RYR3: variants seen among roughly 807,000 people sequenced by gnomAD.
The protein encoded by RYR3 is ryanodine receptor 3.
In RYR3, 207 loss-of-function variants were observed where a neutral mutation model predicts 584.3. The ratio of observed to expected loss-of-function variants is 0.35; its 90% CI spans 0.32 to 0.40. The LOEUF is 0.40. Among genes scored for constraint, RYR3 ranks in the 10% least tolerant of loss-of-function variants. The pLI, the probability that RYR3 is intolerant of heterozygous loss-of-function variation, is 1.00. For synonymous variants in RYR3, 2,416 were observed against 2,248.5 expected (o/e 1.07, Z -2.11); for missense variants, 5,616 against 6,089.2 (o/e 0.92, Z 2.59).
intron 1 of RYR3, among the ~76,000 whole-genome samples, chr15:33,447,204 G>C (rs543601488): frequency 4.2e-4 from 64 of 152,306 alleles, no homozygotes; most frequent in African/African-American, 1.4e-3. Flanking sequence ...GTCAATAAAG[G>C]TAACCTTTTG....
chr15:33,527,892 A>G (rs1426674455), intron 3 of RYR3, among the ~76,000 whole-genome samples: 2 of 152,170 alleles, frequency 1.3e-5, no homozygotes, highest in African/African-American at 4.8e-5. Flanking sequence ...TGGCAATAGA[A>G]TGGACTAGAC....
intron 75 of RYR3, among the ~76,000 whole-genome samples, chr15:33,817,405 G>C (rs1265153756): frequency 3.9e-5 from 6 of 152,258 alleles, no homozygotes; most frequent in Non-Finnish European, 7.3e-5. Context: ...GTCTCTAACA[G>C]ACTTCATGCT....
At chr15:33,698,300 C>T (rs1468032354) in intron 40 of RYR3, among the ~76,000 whole-genome samples, 2 of 152,236 alleles carry the variant, frequency 1.3e-5, no homozygotes, top group Non-Finnish European at 2.9e-5. Context: ...CTCACTTCCA[C>T]TTAGGAGCCT....
intron 94 of RYR3, 21 bp downstream of exon 94, chr15:33,848,442 A>G: frequency 6.3e-7 from 1 of 1,598,264 alleles, no homozygotes; most frequent in Non-Finnish European, 8.5e-7. Flanking sequence ...CTCTACCCCA[A>G]CCTAAAAAGG....
chr15:33,445,346 GT>G (rs944084757), intron 1 of RYR3, among the ~76,000 whole-genome samples: 5 of 152,134 alleles, frequency 3.3e-5, no homozygotes, highest in Admixed American at 6.5e-5. Context: ...TAAGTTTGAG[GT>G]TTGAACAACT....
intron 5 of RYR3, among the ~76,000 whole-genome samples, chr15:33,534,520 T>TA (rs1359922889): frequency 6.6e-6 from 1 of 150,748 alleles, no homozygotes; most frequent in Non-Finnish European, 1.5e-5. Context: ...TTATTATTAT[T>TA]TTTTTTTTAG....
At chr15:33,730,893 T>C (rs866281159) in intron 47 of RYR3, among the ~76,000 whole-genome samples, 4 of 152,244 alleles carry the variant, frequency 2.6e-5, no homozygotes, top group South Asian at 2.1e-4. Flanking sequence ...TGGGGTCTAC[T>C]CTAATGTCAG....
chr15:33,758,984 G>C (rs950390002), intron 60 of RYR3, among the ~76,000 whole-genome samples: 4 of 152,196 alleles, frequency 2.6e-5, no homozygotes, highest in African/African-American at 7.2e-5. Context: ...AGCCTCCGCT[G>C]GTGATACCCA....
chr15:33,769,673 G>A (rs1240807008), intron 62 of RYR3, among the ~76,000 whole-genome samples: 1 of 152,228 alleles, frequency 6.6e-6, no homozygotes, highest in African/African-American at 2.4e-5. Flanking sequence ...AGAGACGCAG[G>A]CCAGGCGCGG....
chr15:33,625,864 G>A (rs553392953), intron 20 of RYR3, among the ~76,000 whole-genome samples: 2 of 152,182 alleles, frequency 1.3e-5, no homozygotes, highest in Admixed American at 6.5e-5. Context: ...AATTCTTTTG[G>A]GGGGCTCTTT....
chr15:33,790,349 G>A (rs1342127855), intron 67 of RYR3, among the ~76,000 whole-genome samples: 1 of 152,030 alleles, frequency 6.6e-6, no homozygotes, highest in Non-Finnish European at 1.5e-5. Flanking sequence ...TGGTGGCTGA[G>A]GCCAAGATGG....
At chr15:33,436,882 TA>T (rs1467387742) in intron 1 of RYR3, among the ~76,000 whole-genome samples, 1 of 152,186 alleles carries the variant, frequency 6.6e-6, no homozygotes. Context: ...AAGTGGTCCT[TA>T]TCTACCACAA....
intron 27 of RYR3, 79 bp downstream of exon 27, chr15:33,636,629 C>T (rs1450235107): frequency 7.1e-6 from 9 of 1,267,884 alleles, no homozygotes; most frequent in Admixed American, 2.3e-5. Context: ...ACCTGCTCTA[C>T]TTCCTTATTC....
chr15:33,813,260 T>G (rs2076641629), intron 73 of RYR3, among the ~76,000 whole-genome samples: 1 of 152,204 alleles, frequency 6.6e-6, no homozygotes, highest in African/African-American at 2.4e-5. Context: ...AAGCTGCTAT[T>G]AGGGAATAAA....
At chr15:33,561,413 T>TG (rs1421563452) in intron 10 of RYR3, among the ~76,000 whole-genome samples, 1 of 152,186 alleles carries the variant, frequency 6.6e-6, no homozygotes, top group Admixed American at 6.5e-5. Flanking sequence ...ACTCTGGAGC[T>TG]GGACTTCCTG....
intron 38 of RYR3, among the ~76,000 whole-genome samples, chr15:33,695,168 T>C (rs1309335351): frequency 1.3e-5 from 2 of 152,158 alleles, no homozygotes; most frequent in African/African-American, 4.8e-5. Flanking sequence ...TGTAGGACTG[T>C]GATATGCAGT....
chr15:33,822,491 T>C (rs1317900818), intron 80 of RYR3, among the ~76,000 whole-genome samples: 7 of 152,252 alleles, frequency 4.6e-5, no homozygotes, highest in African/African-American at 1.7e-4. Context: ...TTCTGTTCCC[T>C]TCTACCACCT....
intron 67 of RYR3, among the ~76,000 whole-genome samples, chr15:33,789,645 TATATATATATATA>T (rs1322610359): frequency 1.1e-4 from 3 of 26,732 alleles, no homozygotes; most frequent in African/African-American, 2.7e-4. Context: ...TATATATATA[TATATATATATATA>T]TTTTTTTTTT....
chr15:33,317,923 T>G (rs1016279061), intron 1 of RYR3, among the ~76,000 whole-genome samples: 1 of 152,202 alleles, frequency 6.6e-6, no homozygotes, highest in Non-Finnish European at 1.5e-5. Flanking sequence ...AGTGAACTCC[T>G]CATTGATTTC....
Sources: allele counts gnomAD v4.1 joint callset (sites outside exome capture counted in the v4.1 genomes callset), GRCh38; gene constraint gnomAD v4.1.1; transcripts MANE v1.5; gene names NCBI Gene and HGNC (gene_info 2026-07-23, HGNC 2026-07-21).